Variants in SNX29 observed in about 807,000 individuals in gnomAD.
The protein encoded by SNX29 is sorting nexin 29.
Under a neutral mutation model 102.1 loss-of-function variants are expected in SNX29, and 78 were observed. That is an observed-to-expected ratio of 0.76 (90% CI 0.64 to 0.92). The LOEUF is 0.92. Among genes scored for constraint, SNX29 ranks in the 40% least tolerant of loss-of-function variants. The pLI is 0.00. For missense variants in SNX29, 1,280 were observed against 1,061.7 expected, an observed-to-expected ratio of 1.21 and a Z score of -2.86; for synonymous variants, 580 against 414.5, an observed-to-expected ratio of 1.40 and a Z score of -4.85.
chr16:12,125,532 CCT>C (rs1207028401), intron 11 of SNX29, among the ~76,000 whole-genome samples: 1 of 149,902 alleles, frequency 6.7e-6, no homozygotes, highest in African/African-American at 2.4e-5. Context: ...CATCCATCGT[CCT>C]CTGTTTCTCA....
intron 18 of SNX29, among the ~76,000 whole-genome samples, chr16:12,462,069 A>G (rs1363824616): frequency 1.4e-5 from 2 of 144,284 alleles, no homozygotes; most frequent in African/African-American, 2.6e-5. Context: ...AAATATCCAG[A>G]CCAGTGTGGA....
intron 10 of SNX29, among the ~76,000 whole-genome samples, chr16:12,069,811 C>T (rs1274368760): frequency 6.6e-6 from 1 of 152,220 alleles, no homozygotes; most frequent in African/African-American, 2.4e-5. Context: ...CTGCCTCAGC[C>T]TCCTGAGTAG....
At chr16:12,289,236 G>T (rs1596774074) in intron 15 of SNX29, among the ~76,000 whole-genome samples, 1 of 152,122 alleles carries the variant, frequency 6.6e-6, no homozygotes, top group Non-Finnish European at 1.5e-5. Flanking sequence ...TGTGTGCTGG[G>T]GTTATCCGCC....
At chr16:12,542,118 G>A (rs980514034) in intron 20 of SNX29, among the ~76,000 whole-genome samples, 1 of 152,032 alleles carries the variant, frequency 6.6e-6, no homozygotes, top group African/African-American at 2.4e-5. Context: ...TCCCTAAATT[G>A]AGCCAGCATT....
At chr16:12,513,182 C>A (rs916853638) in intron 19 of SNX29, among the ~76,000 whole-genome samples, 2 of 151,280 alleles carry the variant, frequency 1.3e-5, no homozygotes, top group East Asian at 3.9e-4. Flanking sequence ...CCCTCCCATA[C>A]CTTTCCTCCC....
chr16:12,021,410 A>C (rs1485801004), intron 3 of SNX29, among the ~76,000 whole-genome samples: 2 of 148,336 alleles, frequency 1.3e-5, no homozygotes, highest in African/African-American at 2.5e-5. Flanking sequence ...TGGGCAACAG[A>C]GCGAGACTCT....
rs117910586 is a variant in SNX29 at position 12,157,081 on chromosome 16, A to G, written c.1595+27323A>G. On this transcript the variant is annotated intron_variant, in intron 13 of 20. Transcript: ENST00000566228. Reference sequence around the variant, plus strand: ...GAGAAGGGAAGGAACGGCAGTCAGGAAAGGGGATTTCTTGAGATGGCTGCA... The same window carrying G: ...GAGAAGGGAAGGAACGGCAGTCAGGGAAGGGGATTTCTTGAGATGGCTGCA... Among the ~76,000 whole-genome samples, 865 of 152,240 alleles carry G rather than the reference A, an allele frequency of 5.7e-3. 4 individuals carry two copies. Among genetic ancestry groups the G allele is most frequent in the Non-Finnish European group, 7.9e-3 (539 of 67,996 alleles).
intron 20 of SNX29, chr16:12,556,554 T>G (rs1359016944): frequency 6.6e-6 from 1 of 152,280 alleles, no homozygotes; most frequent in Admixed American, 6.5e-5. Context: ...GGGAAACATT[T>G]GCATTTGATT....
chr16:12,513,303 T>A lies in SNX29; in HGVS notation c.2179-11399T>A, dbSNP rs1373516800. ...CCTCCCCAGCCCTCCTGCCTTGCCC[T>A]CCTCTCCCCTTCTCTCCCTTCCCCT... On this transcript the variant is annotated intron_variant, in intron 19 of 20. Transcript: ENST00000566228. 2.8e-4 allele frequency among the ~76,000 whole-genome samples: 34 copies of A among 122,204 alleles called. No individual in the cohort carries two copies. The Admixed American group carries it at 2.9e-3, about 11-fold the overall frequency. The allele number at this position is 122,204 out of a possible 152,430, so 80.2% of individuals were successfully genotyped here. A position where few individuals can be genotyped will look rare whatever the true frequency, so the allele number is the denominator to read the frequency against.
chr16:12,506,487 A>T (rs938738567), intron 19 of SNX29, among the ~76,000 whole-genome samples: 1 of 152,222 alleles, frequency 6.6e-6, no homozygotes, highest in African/African-American at 2.4e-5. Flanking sequence ...TTAGAAGAAG[A>T]AAAGTTATCT....
chr16:12,180,260 C>G (rs905423276), intron 13 of SNX29, among the ~76,000 whole-genome samples: 1 of 152,086 alleles, frequency 6.6e-6, no homozygotes, highest in Non-Finnish European at 1.5e-5. Context: ...TTCTGAAATA[C>G]TTTCTTTAAT....
intron 15 of SNX29, among the ~76,000 whole-genome samples, chr16:12,310,627 C>T (rs977247745): frequency 2.0e-5 from 3 of 152,068 alleles, no homozygotes; most frequent in South Asian, 2.1e-4. Flanking sequence ...TGGCGTCTGG[C>T]GACGGGATGG....
At chr16:11,983,595 C>G (rs2055478374) in intron 1 of SNX29, 1 of 953,406 alleles carries the variant, frequency 1.0e-6, no homozygotes, top group East Asian at 1.2e-4. Context: ...TGGTGGAATG[C>G]AAGAAGTACA....
chr16:12,130,219 GTAATCC>G (rs2054401509), intron 13 of SNX29, among the ~76,000 whole-genome samples: 1 of 150,358 alleles, frequency 6.7e-6, no homozygotes, highest in Non-Finnish European at 1.5e-5. Context: ...GCTGACACCT[GTAATCC>G]CAACACTTTG....
chr16:12,411,777 C>T (rs1476200397), intron 18 of SNX29, among the ~76,000 whole-genome samples: 1 of 152,160 alleles, frequency 6.6e-6, no homozygotes, highest in African/African-American at 2.4e-5. Flanking sequence ...GGACGGGACA[C>T]CACTCACCTT....
At chr16:12,357,315 C>T (rs1487781417) in intron 16 of SNX29, among the ~76,000 whole-genome samples, 1 of 152,050 alleles carries the variant, frequency 6.6e-6, no homozygotes, top group African/African-American at 2.4e-5. Flanking sequence ...CATGTATAGA[C>T]ATCTTTGTAT....
chr16:12,227,675 A>C (rs888703220), intron 14 of SNX29, among the ~76,000 whole-genome samples: 1 of 152,034 alleles, frequency 6.6e-6, no homozygotes, highest in Non-Finnish European at 1.5e-5. Context: ...TGAGACAGGC[A>C]GATCACCTGA....
intron 3 of SNX29, among the ~76,000 whole-genome samples, chr16:12,022,488 A>G (rs1403253194): frequency 6.6e-6 from 1 of 152,186 alleles, no homozygotes; most frequent in Non-Finnish European, 1.5e-5. Context: ...GGCATGAGCC[A>G]CAACGCCCAG....
intron 11 of SNX29, among the ~76,000 whole-genome samples, chr16:12,126,001 A>G (rs778011983): frequency 3.3e-5 from 5 of 152,034 alleles, no homozygotes; most frequent in Non-Finnish European, 5.9e-5. Flanking sequence ...GCCGGTGGTG[A>G]TCTTGTTTCA....
Sources: allele counts gnomAD v4.1 joint callset (sites outside exome capture counted in the v4.1 genomes callset), GRCh38; gene constraint gnomAD v4.1.1; transcripts MANE v1.5; gene names NCBI Gene and HGNC (gene_info 2026-07-23, HGNC 2026-07-21).